PTPRD: variants seen among roughly 807,000 people sequenced by gnomAD.
PTPRD encodes the protein protein tyrosine phosphatase receptor type D.
In PTPRD, 34 loss-of-function variants were observed where a neutral mutation model predicts 214.5. The ratio of observed to expected loss-of-function variants is 0.16; its 90% CI spans 0.12 to 0.21. The LOEUF is 0.21. Among genes scored for constraint, PTPRD ranks in the 10% least tolerant of loss-of-function variants. The pLI is 1.00. For synonymous variants in PTPRD, 1,128 were observed against 845.7 expected, an observed-to-expected ratio of 1.33 and a Z score of -5.79; for missense variants, 2,545 against 2,398.7, an observed-to-expected ratio of 1.06 and a Z score of -1.27.
At chr9:8,519,753 T>C (rs1359723129) in intron 20 of PTPRD, among the ~76,000 whole-genome samples, 1 of 152,196 alleles carries the variant, frequency 6.6e-6, no homozygotes, top group Non-Finnish European at 1.5e-5. Context: ...TAATTTGCCA[T>C]TAAGATTCAC....
chr9:9,946,184 C>T (rs1387410123), intron 4 of PTPRD, among the ~76,000 whole-genome samples: 1 of 144,998 alleles, frequency 6.9e-6, no homozygotes, highest in African/African-American at 2.6e-5. Flanking sequence ...TTTTCTTCTT[C>T]ACTAGATTGC....
intron 7 of PTPRD, among the ~76,000 whole-genome samples, chr9:9,683,238 A>C (rs6477404): frequency 0.013 from 1,943 of 151,888 alleles, 51 homozygotes; most frequent in African/African-American, 0.044. Context: ...AAGAAGCTGA[A>C]CATGAAGTAT....
chr9:8,716,129 CAACCTAAT>C lies in PTPRD; in HGVS notation c.64+17643_64+17650del, dbSNP rs569387921. Among the ~76,000 whole-genome samples, 23 of 152,274 alleles carry C rather than the reference CAACCTAAT, an allele frequency of 1.5e-4. No individual in the cohort carries two copies. The East Asian group carries it at 2.9e-3, about 19-fold the overall frequency. On this transcript the variant is annotated intron_variant, in intron 12 of 45. Coordinates refer to ENST00000381196, the MANE Select transcript of PTPRD (RefSeq NM_002839.4). Reference sequence around the variant, plus strand: ...GCGAAAACCGCAATTACCTTTGCACCAACCTAATAACCTAATAACTTGACTCCAGAGGA... The same window carrying C: ...GCGAAAACCGCAATTACCTTTGCACCAACCTAATAACTTGACTCCAGAGGA...
At chr9:10,471,456 T>A (rs982429885) in intron 2 of PTPRD, among the ~76,000 whole-genome samples, 1 of 152,112 alleles carries the variant, frequency 6.6e-6, no homozygotes, top group Non-Finnish European at 1.5e-5. Flanking sequence ...GTAGTTTAAT[T>A]GTTTAGAGTA....
At chr9:8,360,570 T>C (rs2078221293) in intron 39 of PTPRD, among the ~76,000 whole-genome samples, 1 of 152,206 alleles carries the variant, frequency 6.6e-6, no homozygotes, top group African/African-American at 2.4e-5. Flanking sequence ...TATATGATGA[T>C]TAAGCTTTTT....
Position 10,464,305 on chromosome 9 carries a change from C to T in PTPRD, c.-599-123288G>A, listed in dbSNP as rs186924757. On this transcript the variant is annotated intron_variant, in intron 2 of 45. Transcript: ENST00000381196. ...GCATGGCACTAGAATTGCTCGAACC[C>T]GGAGGCTAAATTTGCAGTGTGCCGA... is the stretch of plus-strand genomic sequence containing the variant. 2.1e-3 allele frequency among the ~76,000 whole-genome samples: 321 copies of T among 151,948 alleles called. 2 individuals are homozygous for T. Among genetic ancestry groups the T allele is most frequent in the African/African-American group, 7.2e-3 (297 of 41,446 alleles).
intron 35 of PTPRD, among the ~76,000 whole-genome samples, chr9:8,416,858 T>C (rs992909451): frequency 1.3e-5 from 2 of 151,956 alleles, no homozygotes; most frequent in African/African-American, 4.8e-5. Flanking sequence ...ATATTACAGA[T>C]AAAGAAATTG....
At chr9:10,263,960 G>T (rs1368307907) in intron 3 of PTPRD, among the ~76,000 whole-genome samples, 1 of 152,158 alleles carries the variant, frequency 6.6e-6, no homozygotes, top group Non-Finnish European at 1.5e-5. Context: ...AATGGGCCAA[G>T]GTACAGCTCA....
chr9:10,072,123 A>G (rs1470645461), intron 3 of PTPRD, among the ~76,000 whole-genome samples: 1 of 152,000 alleles, frequency 6.6e-6, no homozygotes, highest in Non-Finnish European at 1.5e-5. Context: ...ATACTTGTAT[A>G]TGAAATATAC....
At chr9:9,444,754 G>C (rs955964790) in intron 8 of PTPRD, among the ~76,000 whole-genome samples, 2 of 151,990 alleles carry the variant, frequency 1.3e-5, no homozygotes, top group African/African-American at 4.8e-5. Flanking sequence ...TTTAGAAATG[G>C]TGCAGCAAAT....
At chr9:10,049,196 T>A (rs1193015938) in intron 3 of PTPRD, among the ~76,000 whole-genome samples, 1 of 151,742 alleles carries the variant, frequency 6.6e-6, no homozygotes, top group Non-Finnish European at 1.5e-5. Flanking sequence ...AGGCATGGAG[T>A]GTTCAGGCTG....
intron 9 of PTPRD, among the ~76,000 whole-genome samples, chr9:9,335,322 A>T (rs1156916885): frequency 6.6e-6 from 1 of 152,056 alleles, no homozygotes; most frequent in Non-Finnish European, 1.5e-5. Flanking sequence ...TGAAGGATAA[A>T]CTCTGAATGT....
intron 10 of PTPRD, chr9:9,091,163 G>C: frequency 1.9e-6 from 3 of 1,546,730 alleles, no homozygotes; most frequent in East Asian, 2.2e-5. Context: ...AATCGATCTC[G>C]TGAAGTCCGC....
chr9:10,489,047 A>G (rs1453163014), intron 2 of PTPRD, among the ~76,000 whole-genome samples: 1 of 152,086 alleles, frequency 6.6e-6, no homozygotes, highest in African/African-American at 2.4e-5. Context: ...CATAGACACC[A>G]CAGCTGGGAA....
At chr9:9,101,836 A>G (rs2099791855) in intron 10 of PTPRD, among the ~76,000 whole-genome samples, 1 of 152,176 alleles carries the variant, frequency 6.6e-6, no homozygotes, top group Non-Finnish European at 1.5e-5. Flanking sequence ...CATATAGAAA[A>G]TCTTATTTCA....
chr9:9,242,598 C>T (rs1037327328), intron 9 of PTPRD, among the ~76,000 whole-genome samples: 2 of 152,140 alleles, frequency 1.3e-5, no homozygotes, highest in Non-Finnish European at 2.9e-5. Flanking sequence ...ATTTGATCTT[C>T]CATCACTGAT....
At chr9:9,916,576 G>C (rs888765690) in intron 5 of PTPRD, among the ~76,000 whole-genome samples, 2 of 151,378 alleles carry the variant, frequency 1.3e-5, no homozygotes, top group African/African-American at 4.9e-5. Flanking sequence ...TTGCCTACAA[G>C]AACCTCATCT....
At chr9:9,119,129 C>T (rs2099815139) in intron 10 of PTPRD, among the ~76,000 whole-genome samples, 1 of 152,170 alleles carries the variant, frequency 6.6e-6, no homozygotes, top group South Asian at 2.1e-4. Context: ...GTATGTCCTG[C>T]TGGGTTCTCT....
Position 9,797,243 on chromosome 9 carries a change from GTTTT to G in PTPRD, c.-367-30396_-367-30393del, listed in dbSNP as rs56375104. On this transcript the variant is annotated intron_variant, in intron 5 of 45. Coordinates refer to ENST00000381196, the MANE Select transcript of PTPRD (RefSeq NM_002839.4). Reference sequence around the variant, plus strand: ...ACCCTAGGTAGCAGAATTTCAGGCAGTTTTTTTTTTTTTTTTTTTTTTAAACAGG... The same window carrying G: ...ACCCTAGGTAGCAGAATTTCAGGCAGTTTTTTTTTTTTTTTTTTAAACAGG... 4.1e-5 allele frequency among the ~76,000 whole-genome samples: 4 copies of G among 98,062 alleles called. 1 individual carries two copies. The highest frequency in any genetic ancestry group is 3.6e-4 in the South Asian group (1 of 2,756). The allele number at this position is 98,062 out of a possible 152,430, so 64.3% of individuals were successfully genotyped here. A position where few individuals can be genotyped will look rare whatever the true frequency, so the allele number is the denominator to read the frequency against.
Sources: gnomAD v4.1 joint callset for allele counts (sites outside exome capture counted in the v4.1 genomes callset) on GRCh38, gnomAD v4.1.1 for gene constraint, MANE v1.5 for transcripts, NCBI Gene and HGNC (gene_info 2026-07-23, HGNC 2026-07-21) for gene names.